HACE1: variants seen among roughly 807,000 people sequenced by gnomAD.
The protein encoded by HACE1 is E3 ubiquitin-protein ligase HACE1.
In HACE1, 73 loss-of-function variants were observed where a neutral mutation model predicts 118.4. The observed-to-expected ratio is 0.62, with a 90% CI of 0.51 to 0.75. The LOEUF (loss-of-function observed/expected upper bound fraction) is 0.75, where lower values mean the gene tolerates loss of function less well. Among genes scored for constraint, HACE1 ranks in the 30% least tolerant of loss-of-function variants. The pLI is 0.00. For missense variants in HACE1, 749 were observed against 1,102.2 expected (o/e 0.68, Z 4.54); for synonymous variants, 368 against 374.8 (o/e 0.98, Z 0.21).
rs542260050 is a variant in HACE1, at chr6:104,825,631, T to C, written c.534+7411A>G. Among the ~76,000 whole-genome samples the C allele has an allele frequency of 7.2e-5, 11 of 152,266 alleles. No individual in the cohort carries two copies. In the East Asian group the frequency reaches 9.7e-4, roughly 13 times the overall value. On this transcript the variant is annotated intron_variant, in intron 6 of 23. Coordinates refer to ENST00000262903, the MANE Select transcript of HACE1 (RefSeq NM_020771.4). ...CTTTGTAACTTCAGCCTCTGATTGA[T>C]TGCAGGCCACCACTTCATTTACATG... is the stretch of plus-strand genomic sequence containing the variant.
intron 5 of HACE1, among the ~76,000 whole-genome samples, chr6:104,835,022 T>C (rs994654410): frequency 3.3e-5 from 5 of 152,236 alleles, no homozygotes; most frequent in African/African-American, 1.2e-4. Flanking sequence ...AGTTTAAATA[T>C]TGAATATTGA....
chr6:104,847,328 C>T (rs1775757564), intron 4 of HACE1, among the ~76,000 whole-genome samples: 1 of 152,174 alleles, frequency 6.6e-6, no homozygotes, highest in African/African-American at 2.4e-5. Flanking sequence ...AGACCTTTGT[C>T]GATACCCTAT....
intron 1 of HACE1, among the ~76,000 whole-genome samples, chr6:104,858,969 A>C (rs539421818): frequency 6.6e-6 from 1 of 152,118 alleles, no homozygotes; most frequent in Non-Finnish European, 1.5e-5. Context: ...CCCACTCAAT[A>C]CTAGTCTGAT....
chr6:104,801,275 C>G (rs9499976), intron 7 of HACE1, among the ~76,000 whole-genome samples: 5,129 of 152,184 alleles, frequency 0.034, 272 homozygotes, highest in African/African-American at 0.12. Flanking sequence ...AGAATGGAAC[C>G]AAGTTGGAAA....
At position 104,791,575 on chromosome 6, in the gene HACE1, G is replaced by C. The variant is rs1783029046; in HGVS notation, c.1003C>G (p.Pro335Ala). The C allele has an allele frequency of 6.2e-6, 10 of 1,611,148 alleles. No homozygotes were observed. The highest frequency in any genetic ancestry group is 7.6e-6 in the Non-Finnish European group (9 of 1,177,408). Residue 335 changes from proline (P) to alanine (A), a missense_variant, in exon 11 of 24, where the codon CCA (proline) becomes GCA (alanine). By Grantham distance (27) the Pro-to-Ala change is conservative. This residue lies in a region of HACE1 where 267 missense variants were observed against 312.2 expected (regional missense o/e 0.86). Transcript: ENST00000262903. Reference protein sequence around the residue: ...RMFCHVFRIGPSSPSNGIDMG... With the variant: ...RMFCHVFRIGASSPSNGIDMG... ...TCAATTCCATTACTGGGGGAGGATG[G>C]ACCAATTCGAAAGACGTGACAAAAC...
chr6:104,742,927 G>A (rs1293628861), intron 22 of HACE1, among the ~76,000 whole-genome samples: 1 of 151,876 alleles, frequency 6.6e-6, no homozygotes, highest in African/African-American at 2.4e-5. Context: ...GTCCAACAAT[G>A]ATAGACTGGA....
At chr6:104,810,807 T>C (rs2114968226) in intron 7 of HACE1, among the ~76,000 whole-genome samples, 1 of 152,108 alleles carries the variant, frequency 6.6e-6, no homozygotes, top group East Asian at 1.9e-4. Context: ...TAACAATATC[T>C]AACAAGACTG....
intron 5 of HACE1, among the ~76,000 whole-genome samples, chr6:104,834,615 A>C (rs185573216): frequency 2.0e-5 from 3 of 152,348 alleles, no homozygotes; most frequent in African/African-American, 4.8e-5. Context: ...GTATTTCCTT[A>C]AAAGACTAGA....
intron 7 of HACE1, among the ~76,000 whole-genome samples, chr6:104,806,711 T>A (rs1383631704): frequency 6.6e-6 from 1 of 152,142 alleles, no homozygotes; most frequent in African/African-American, 2.4e-5. Flanking sequence ...ATAGTCTCAA[T>A]TTTTTAATAT....
rs78991390 is a variant in HACE1 at position 104,777,337 on chromosome 6, T to C, written c.1567-20A>G. 4.1e-3 allele frequency: 5,786 copies of C among 1,418,936 alleles called. 180 individuals carry two copies. The African/African-American group carries it at 0.07, about 17-fold the overall frequency. The allele number at this position is 1,418,936 out of a possible 1,614,324, so 87.9% of individuals were successfully genotyped here. A position where few individuals can be genotyped will look rare whatever the true frequency, so the allele number is the denominator to read the frequency against. On this transcript the variant is annotated intron_variant, in intron 14 of 23. Transcript: ENST00000262903. ...AAAAGGCTAGCTCAAAAAATAAGAG[T>C]AAAATATGTTAGCAGTGTATCAGTC...
At chr6:104,824,258 C>G (rs529047755) in intron 6 of HACE1, among the ~76,000 whole-genome samples, 80 of 152,240 alleles carry the variant, frequency 5.3e-4, no homozygotes, top group African/African-American at 1.9e-3. Context: ...AAGGTCTAAC[C>G]ACAATAACAA....
chr6:104,788,510 T>C (rs1246989274), intron 11 of HACE1, among the ~76,000 whole-genome samples: 1 of 152,158 alleles, frequency 6.6e-6, no homozygotes, highest in Non-Finnish European at 1.5e-5. Context: ...TGTTCATTCA[T>C]AGTACATTGA....
intron 22 of HACE1, among the ~76,000 whole-genome samples, chr6:104,733,843 A>C (rs1355732814): frequency 6.6e-6 from 1 of 151,434 alleles, no homozygotes; most frequent in East Asian, 1.9e-4. Context: ...CATCTCAAAA[A>C]AAAAAGAAAA....
intron 7 of HACE1, among the ~76,000 whole-genome samples, chr6:104,809,650 A>T (rs917026059): frequency 6.9e-6 from 1 of 144,314 alleles, no homozygotes; most frequent in East Asian, 2.0e-4. Context: ...TAACAAGAGC[A>T]GATTCTTTTT....
rs890288651 is a variant in HACE1, at chr6:104,815,884, C to T, written c.535-4491G>A. Among the ~76,000 whole-genome samples, 58 of 150,766 alleles carry T rather than the reference C, an allele frequency of 3.8e-4. 8 individuals carry two copies. The highest frequency in any genetic ancestry group is 4.6e-4 in the Admixed American group (7 of 15,122). The stretch of plus-strand genomic sequence containing the variant: ...GGTCAGGAGTTTGAGACCAGCTTGG[C>T]CAATATGGTGAATCCCCATCTCTAC... On this transcript the variant is annotated intron_variant, in intron 6 of 23. Coordinates refer to ENST00000262903, the MANE Select transcript of HACE1 (RefSeq NM_020771.4).
chr6:104,845,616 T>A (rs2115184613), intron 4 of HACE1, among the ~76,000 whole-genome samples: 1 of 152,010 alleles, frequency 6.6e-6, no homozygotes, highest in South Asian at 2.1e-4. Flanking sequence ...TAGCTGGGAC[T>A]ACAGGCACCC....
At position 104,750,383 on chromosome 6, in the gene HACE1, G is replaced by T; in HGVS notation, c.2301C>A (p.Phe767Leu). Residue 767 changes from phenylalanine to leucine, a missense_variant, in exon 20 of 24, where the codon TTC becomes TTA. Transcript: ENST00000262903. ...INAFLQGFHM[F>L]IPPSLIQLFD... ...AAAGCTGTATGAGGGAGGGTGGAAT[G>T]AACATATGAAAGCCCTGTAAAAAAG... 6.2e-7 allele frequency: 1 copy of T among 1,612,506 alleles called. No homozygotes were observed. Among genetic ancestry groups the T allele is most frequent in the South Asian group, 1.1e-5 (1 of 91,012 alleles).
chr6:104,848,672 A>T (rs1185523963), intron 4 of HACE1, among the ~76,000 whole-genome samples: 2 of 152,160 alleles, frequency 1.3e-5, no homozygotes, highest in Non-Finnish European at 2.9e-5. Context: ...TAAACTGTGT[A>T]CAATATATTA....
chr6:104,850,554 T>C (rs531975795), intron 3 of HACE1, among the ~76,000 whole-genome samples: 2 of 152,280 alleles, frequency 1.3e-5, no homozygotes, highest in Admixed American at 6.5e-5. Flanking sequence ...ATGTAAAAAA[T>C]ATAAAGCCAA....
Sources: allele counts gnomAD v4.1 joint callset (sites outside exome capture counted in the v4.1 genomes callset), GRCh38; gene constraint gnomAD v4.1.1; regional missense constraint gnomAD v4.1.1; transcripts MANE v1.5; gene names NCBI Gene and HGNC (gene_info 2026-07-23, HGNC 2026-07-21).